LTA4H: variants seen among roughly 807,000 people sequenced by gnomAD.
LTA4H encodes the protein leukotriene A-4 hydrolase.
LTA4H carries 59 observed loss-of-function variants against 89.8 expected under a neutral mutation model. That is an observed-to-expected ratio of 0.66 (90% confidence interval 0.53 to 0.82). LTA4H has a LOEUF of 0.82. Ranked by LOEUF, LTA4H falls within the 40% of genes least tolerant of loss-of-function variation. The pLI is 0.00. For missense variants in LTA4H, 617 were observed against 727.0 expected (o/e 0.85, Z 1.74); for synonymous variants, 227 against 253.1 (o/e 0.90, Z 0.98).
At chr12:96,004,229 T>C (rs546574369) in intron 16 of LTA4H, among the ~76,000 whole-genome samples, 4 of 152,336 alleles carry the variant, frequency 2.6e-5, no homozygotes, top group Non-Finnish European at 4.4e-5. Context: ...CTAGAGTTTT[T>C]CTAGTTATTC....
chr12:96,027,361 A>G, intron 3 of LTA4H, 83 bp downstream of exon 3: 3 of 1,272,388 alleles, frequency 2.4e-6, no homozygotes, highest in East Asian at 2.5e-5. Context: ...TACATAATCC[A>G]TAAAACCACT....
At chr12:96,006,467 GT>G in intron 15 of LTA4H, 58 bp from the exon 16 acceptor site, 1 of 950,588 alleles carries the variant, frequency 1.1e-6, no homozygotes, top group Non-Finnish European at 1.6e-6. Context: ...ATACTTATTG[GT>G]TTATCTGACA....
At chr12:96,042,548 A>G (rs1449739541) in intron 1 of LTA4H, among the ~76,000 whole-genome samples, 3 of 152,192 alleles carry the variant, frequency 2.0e-5, no homozygotes, top group Non-Finnish European at 4.4e-5. Context: ...AGATTAATTT[A>G]CTGACGCTCC....
chr12:96,038,589 A>G (rs925550145), upstream of LTA4H, among the ~76,000 whole-genome samples: 2 of 151,666 alleles, frequency 1.3e-5, no homozygotes. Context: ...ATGTTGCCCA[A>G]GCTGGTCTCA....
At chr12:96,040,425 T>G (rs572776152), upstream of LTA4H, among the ~76,000 whole-genome samples, 109 of 152,344 alleles carry the variant, frequency 7.2e-4, 1 homozygote, top group African/African-American at 2.4e-3. Context: ...CACCCGGAAG[T>G]AGACATTTCC....
chr12:96,018,174 C>A (rs1027616669), intron 8 of LTA4H, among the ~76,000 whole-genome samples: 1 of 151,990 alleles, frequency 6.6e-6, no homozygotes, highest in Admixed American at 6.6e-5. Flanking sequence ...ATTGTTGTTA[C>A]ACAGCACCCC....
At chr12:96,034,812 T>A (rs1342986848) in intron 1 of LTA4H, among the ~76,000 whole-genome samples, 1 of 152,114 alleles carries the variant, frequency 6.6e-6, no homozygotes, top group African/African-American at 2.4e-5. Flanking sequence ...AAATAAGTGT[T>A]CCCGGGAGGC....
intron 1 of LTA4H, among the ~76,000 whole-genome samples, chr12:96,034,253 C>T (rs1254299925): frequency 2.0e-5 from 3 of 152,232 alleles, no homozygotes; most frequent in African/African-American, 4.8e-5. Flanking sequence ...GTGAAGAAGC[C>T]GAATTTGGCT....
intron 17 of LTA4H, 88 bp from the exon 18 acceptor site, chr12:96,003,152 G>A: frequency 1.3e-6 from 1 of 797,198 alleles, no homozygotes; most frequent in Non-Finnish European, 2.1e-6. Flanking sequence ...CTTCTGTAGT[G>A]ATATGAATAA....
intron 1 of LTA4H, among the ~76,000 whole-genome samples, chr12:96,042,823 G>A (rs1001817314): frequency 4.6e-5 from 7 of 152,256 alleles, no homozygotes; most frequent in Middle Eastern, 3.4e-3. Context: ...ATTGGGCCAC[G>A]AGAAACAGCA....
At position 96,035,470 on chromosome 12, in the gene LTA4H, C is replaced by T; in HGVS notation, c.50G>A (p.Cys17Tyr). 10 of 1,609,192 alleles carry T rather than the reference C, an allele frequency of 6.2e-6. No homozygotes were observed. Among genetic ancestry groups the T allele is most frequent in the South Asian group, 1.1e-5 (1 of 90,112 alleles). ...TCSLASPASV[C>Y]RTKHLHLRCS... is the part of the protein sequence containing the mutation. ...GCGCAGGTGCAGGTGCTTGGTCCGG[C>T]AGACGGAAGCCGGAGAGGCCAACGA... Residue 17 changes from cysteine (C) to tyrosine (Y), a missense_variant, in exon 1 of 19, where the codon TGC (cysteine) becomes TAC (tyrosine). Transcript: ENST00000228740.
intron 8 of LTA4H, among the ~76,000 whole-genome samples, chr12:96,017,868 T>C (rs961606939): frequency 1.3e-5 from 2 of 152,258 alleles, no homozygotes; most frequent in African/African-American, 4.8e-5. Context: ...TCCATTTTTA[T>C]ATCTGCTCTT....
At chr12:96,009,037 G>T in intron 15 of LTA4H, 57 bp downstream of exon 15, 2 of 1,281,096 alleles carry the variant, frequency 1.6e-6, no homozygotes, top group Non-Finnish European at 2.3e-6. Flanking sequence ...TGCTTCATGA[G>T]TAAAGACATA....
chr12:96,022,818 G>A lies in LTA4H; in HGVS notation c.481-567C>T, dbSNP rs928734666. ...AATGGCAGCCACCATCCCTGCTCCC[G>A]CTACACTCACAAAACAGATTCAAAA... On this transcript the variant is annotated intron_variant, in intron 4 of 18. Coordinates refer to ENST00000228740, the MANE Select transcript of LTA4H (RefSeq NM_000895.3). The surrounding 1 kb of genome is among the most constrained non-coding windows in gnomAD (Gnocchi z 4.0). Among the ~76,000 whole-genome samples, 4 of 152,058 alleles carry A rather than the reference G, an allele frequency of 2.6e-5. No homozygotes were observed. Among genetic ancestry groups the A allele is most frequent in the Non-Finnish European group, 4.4e-5 (3 of 68,010 alleles).
chr12:96,007,192 C>T (rs1267460727), intron 15 of LTA4H, among the ~76,000 whole-genome samples: 2 of 152,080 alleles, frequency 1.3e-5, no homozygotes, highest in East Asian at 3.9e-4. Context: ...TAGGTATATA[C>T]CCTTTTAAAT....
At chr12:96,026,721 A>G (rs1187488432) in intron 3 of LTA4H, among the ~76,000 whole-genome samples, 1 of 152,218 alleles carries the variant, frequency 6.6e-6, no homozygotes, top group Non-Finnish European at 1.5e-5. Context: ...GAAACATGTA[A>G]AGAATCTAGC....
At chr12:96,041,464 C>T (rs1388053226) in intron 1 of LTA4H, among the ~76,000 whole-genome samples, 2 of 152,040 alleles carry the variant, frequency 1.3e-5, no homozygotes, top group South Asian at 2.1e-4. Flanking sequence ...TAAACTCTGC[C>T]TCTTGCCTCT....
Position 96,018,899 on chromosome 12 carries a change from T to A in LTA4H, c.716A>T (p.Glu239Val), listed in dbSNP as rs368472597. Residue 239 changes from glutamate (E) to valine (V), a missense_variant, in exon 8 of 19, where the codon GAA becomes GTA. This residue lies in a region of LTA4H where 172 missense variants were observed against 244.5 expected (regional missense o/e 0.70). Coordinates refer to ENST00000228740, the MANE Select transcript of LTA4H (RefSeq NM_000895.3). ...EKSAYEFSET[E>V]SMLKIAEDLG... ...ATCTTCTGCTATTTTAAGCATAGAT[T>A]CAGTCTGAAAAATCAACATATATAT... is the stretch of plus-strand genomic sequence containing the variant. 6.3e-7 allele frequency: 1 copy of A among 1,578,894 alleles called. No individual in the cohort carries two copies. Among genetic ancestry groups the A allele is most frequent in the African/African-American group, 1.4e-5 (1 of 73,206 alleles).
At chr12:96,004,037 A>G (rs1950154213) in intron 16 of LTA4H, 117 bp from the exon 17 acceptor site, 2 of 475,568 alleles carry the variant, frequency 4.2e-6, no homozygotes, top group Admixed American at 4.1e-5. Context: ...ATATAGAAAT[A>G]AGTCAGATAA....
Sources: gnomAD v4.1 joint callset for allele counts (sites outside exome capture counted in the v4.1 genomes callset) on GRCh38, gnomAD v4.1.1 for gene constraint, gnomAD v4.1.1 regional missense constraint, Gnocchi (gnomAD v3.1) non-coding constraint, MANE v1.5 for transcripts, NCBI Gene and HGNC (gene_info 2026-07-23, HGNC 2026-07-21) for gene names.